ERCC5: variants seen among roughly 807,000 people sequenced by gnomAD.
ERCC5 encodes ERCC excision repair 5, endonuclease.
In ERCC5, 68 loss-of-function variants were observed where a neutral mutation model predicts 105.6. The ratio of observed to expected loss-of-function variants is 0.64; its 90% CI spans 0.53 to 0.79. The LOEUF is 0.79. ERCC5 is among the 30% of genes least tolerant of loss of function. ERCC5 has a pLI of 0.00. For missense variants in ERCC5, 1,373 were observed against 1,426.7 expected, an observed-to-expected ratio of 0.96 and a Z score of 0.61; for synonymous variants, 546 against 526.2, an observed-to-expected ratio of 1.04 and a Z score of -0.51.
At chr13:102,855,502 C>T (rs892963762) in intron 4 of ERCC5, among the ~76,000 whole-genome samples, 6 of 152,160 alleles carry the variant, frequency 3.9e-5, no homozygotes, top group Admixed American at 3.3e-4. Context: ...CCACCTGCCT[C>T]GGCCTCCCAA....
At position 102,849,591 on chromosome 13, in the gene ERCC5, G is replaced by A. The variant is rs138994393; in HGVS notation, c.89-2527G>A. ...TTGATGGACCTACATTTTTTTTTAT[G>A]TTAGTAAAAGTTAGGCAGTGTACAT... is the stretch of plus-strand genomic sequence containing the variant. On this transcript the variant is annotated intron_variant, in intron 1 of 14. Coordinates refer to ENST00000652225, the MANE Select transcript of ERCC5 (RefSeq NM_000123.4). The A allele has an allele frequency of 5.8e-5, 21 of 363,844 alleles. No individual in the cohort carries two copies. In the East Asian group the frequency reaches 1.0e-3, roughly 18 times the overall value. The allele number at this position is 363,844 out of a possible 1,614,324, so 22.5% of individuals were successfully genotyped here.
At chr13:102,875,116 G>A (rs1446835368) in intron 14 of ERCC5, among the ~76,000 whole-genome samples, 191 bp from the exon 15 acceptor site, 1 of 152,178 alleles carries the variant, frequency 6.6e-6, no homozygotes, top group Non-Finnish European at 1.5e-5. Context: ...TACTGCTTTA[G>A]GTATGATTTA....
chr13:102,862,039 C>T lies in ERCC5; in HGVS notation c.890C>T (p.Ala297Val), dbSNP rs1330207825. 3 of 1,614,064 alleles carry T rather than the reference C, an allele frequency of 1.9e-6. No individual in the cohort carries two copies. Among genetic ancestry groups the T allele is most frequent in the Non-Finnish European group, 2.5e-6 (3 of 1,180,042 alleles). ...TTTAATTCTTCTTAAGGTATTCAAG[C>T]TAAGACAGTTGCAGAAGTGGATTCA... ...SHYILIKGIQ[A>V]KTVAEVDSES... Residue 297 changes from alanine (A) to valine (V), a missense_variant, in exon 8 of 15, where the codon GCT becomes GTT. This residue lies in a region of ERCC5 where 1,004 missense variants were observed against 1,059.7 expected (regional missense o/e 0.95). Transcript: ENST00000652225.
intron 8 of ERCC5, 120 bp downstream of exon 8, chr13:102,863,223 A>G (rs111887804): frequency 1.7e-6 from 2 of 1,169,280 alleles, no homozygotes; most frequent in Non-Finnish European, 1.2e-6. Flanking sequence ...AGAGACGTAG[A>G]AAGAAAGATG....
At position 102,854,359 on chromosome 13, in the gene ERCC5, A is replaced by G. The variant is rs1386097982; in HGVS notation, c.452A>G (p.Glu151Gly). ...CTCTATGTTTTGCCTCCTTTACAAGAGGAAGAAAAACACAGGTAAATGTTT... is the reference window on the plus strand; with the variant it reads ...CTCTATGTTTTGCCTCCTTTACAAGGGGAAGAAAAACACAGGTAAATGTTT... Reference protein sequence around the residue: ...NDLYVLPPLQEEEKHSSEEED... With the variant: ...NDLYVLPPLQGEEKHSSEEED... The change falls in exon 4 of 15, where the codon GAG becomes GGG. Residue 151 changes from glutamate (E) to glycine (G), a missense_variant. This residue lies in a region of ERCC5 where 1,004 missense variants were observed against 1,059.7 expected (regional missense o/e 0.95). Coordinates refer to ENST00000652225, the MANE Select transcript of ERCC5 (RefSeq NM_000123.4). The G allele has an allele frequency of 6.2e-6, 10 of 1,614,038 alleles. No homozygotes were observed. Among genetic ancestry groups the G allele is most frequent in the African/African-American group, 1.3e-5 (1 of 74,932 alleles).
intron 11 of ERCC5, among the ~76,000 whole-genome samples, chr13:102,867,081 A>C (rs1282002852): frequency 7.9e-6 from 1 of 126,616 alleles, no homozygotes; most frequent in Non-Finnish European, 1.7e-5. Context: ...TTAAACTTTG[A>C]CTAGTTACCC....
intron 5 of ERCC5, among the ~76,000 whole-genome samples, chr13:102,856,840 A>C (rs1882441151): frequency 6.6e-6 from 1 of 152,242 alleles, no homozygotes; most frequent in Non-Finnish European, 1.5e-5. Context: ...TTTTCCCAGC[A>C]TGATGACTGT....
At position 102,868,112 on chromosome 13, in the gene ERCC5, G is replaced by C; in HGVS notation, c.2534-1G>C. On this transcript the variant is annotated splice_acceptor_variant, in intron 11 of 14. Coordinates refer to ENST00000652225, the MANE Select transcript of ERCC5 (RefSeq NM_000123.4). LOFTEE classifies it high-confidence loss of function. ...AATTAAAAAATATTGTTACTCTTTA[G>C]GATTGGACCGGAATAAGTTAATAAA... is the stretch of plus-strand genomic sequence containing the variant. 6.2e-7 allele frequency: 1 copy of C among 1,613,550 alleles called. No individual in the cohort carries two copies. Among genetic ancestry groups the C allele is most frequent in the Non-Finnish European group, 8.5e-7 (1 of 1,179,780 alleles).
intron 14 of ERCC5, among the ~76,000 whole-genome samples, chr13:102,874,313 C>A (rs1471605047): frequency 4.6e-5 from 7 of 152,154 alleles, no homozygotes; most frequent in Admixed American, 3.3e-4. Flanking sequence ...TTATTTGTGG[C>A]CATACTAAAT....
chr13:102,854,373 A>G lies in ERCC5; in HGVS notation c.466A>G (p.Ser156Gly), dbSNP rs746689107. The change falls in exon 4 of 15, where the codon AGT (serine) becomes GGT (glycine). Residue 156 changes from serine to glycine, a missense_variant and splice_region_variant. Physicochemically the swap from Ser to Gly is moderately conservative, Grantham distance 56. This residue lies in a region of ERCC5 where 1,004 missense variants were observed against 1,059.7 expected (regional missense o/e 0.95). Transcript: ENST00000652225. ...LPPLQEEEKH[S>G]SEEEDEKEWQ... ...TCCTTTACAAGAGGAAGAAAAACAC[A>G]GGTAAATGTTTAACTATTTAAGAAT... is the stretch of plus-strand genomic sequence containing the variant. 12 of 1,613,960 alleles carry G rather than the reference A, an allele frequency of 7.4e-6. No individual in the cohort carries two copies. Among genetic ancestry groups the G allele is most frequent in the Non-Finnish European group, 9.3e-6 (11 of 1,179,820 alleles).
chr13:102,874,545 G>T (rs879844033), intron 14 of ERCC5, among the ~76,000 whole-genome samples: 1 of 151,494 alleles, frequency 6.6e-6, no homozygotes, highest in Non-Finnish European at 1.5e-5. Context: ...TTTTTGAGAC[G>T]GAGTCTCACT....
chr13:102,856,061 G>A lies in ERCC5; in HGVS notation c.477G>A (p.Glu159=). The A allele has an allele frequency of 3.7e-6, 6 of 1,613,878 alleles. No individual in the cohort carries two copies. The highest frequency in any genetic ancestry group is 5.1e-6 in the Non-Finnish European group (6 of 1,179,914). ...TATGTTTGACTTTCAGTTCAGAAGA[G>A]GAAGATGAAAAAGAATGGCAAGAAA... ...LQEEEKHSSE[E]EDEKEWQERM... Residue 159 remains glutamate (E), a synonymous_variant, in exon 5 of 15, where the codon GAG becomes GAA. Transcript: ENST00000652225.
intron 4 of ERCC5, 77 bp from the exon 5 acceptor site, chr13:102,855,975 C>A: frequency 2.1e-6 from 3 of 1,427,264 alleles, no homozygotes; most frequent in South Asian, 2.3e-5. Flanking sequence ...GTATAACGAG[C>A]AGAGCCTTGC....
chr13:102,873,622 A>G (rs1320846697), intron 14 of ERCC5, among the ~76,000 whole-genome samples: 4 of 152,316 alleles, frequency 2.6e-5, no homozygotes, highest in South Asian at 2.1e-4. Flanking sequence ...GGTGTTTCTG[A>G]TTAAATACAT....
chr13:102,863,114 G>A lies in ERCC5; in HGVS notation c.1954+11G>A, dbSNP rs772127232. 1.2e-6 allele frequency: 2 copies of A among 1,611,782 alleles called. No individual in the cohort carries two copies. Among genetic ancestry groups the A allele is most frequent in the South Asian group, 2.2e-5 (2 of 91,018 alleles). ...AAAGTGAATCTGATGGTACGTGTCT[G>A]TGCTTTTGTAGAAATCTGGAACGGT... On this transcript the variant is annotated intron_variant, in intron 8 of 14. Coordinates refer to ENST00000652225, the MANE Select transcript of ERCC5 (RefSeq NM_000123.4).
At chr13:102,868,008 G>C in intron 11 of ERCC5, 105 bp from the exon 12 acceptor site, 1 of 1,037,660 alleles carries the variant, frequency 9.6e-7, no homozygotes, top group Non-Finnish European at 1.4e-6. Context: ...TTGGTGGTTG[G>C]ATATAGATAT....
Position 102,862,764 on chromosome 13 carries a change from C to T in ERCC5, c.1615C>T (p.His539Tyr), listed in dbSNP as rs766302763. The change falls in exon 8 of 15, where the codon CAT (histidine) becomes TAT (tyrosine). Residue 539 changes from histidine (H) to tyrosine (Y), a missense_variant. Physicochemically the swap from His to Tyr is moderately conservative, Grantham distance 83. Transcript: ENST00000652225. ...AAATTCTGTGTCAAAGAATGAAACACATGCTGAAGTGCTTGAGCAGCAGAA... is the reference window on the plus strand; with the variant it reads ...AAATTCTGTGTCAAAGAATGAAACATATGCTGAAGTGCTTGAGCAGCAGAA... ...CTNSVSKNET[H>Y]AEVLEQQNEL... 6 of 1,614,108 alleles carry T rather than the reference C, an allele frequency of 3.7e-6. No individual in the cohort carries two copies. Among genetic ancestry groups the T allele is most frequent in the African/African-American group, 2.7e-5 (2 of 74,938 alleles).
Position 102,875,475 on chromosome 13 carries a change from T to A in ERCC5, c.3133T>A (p.Phe1045Ile). The A allele has an allele frequency of 6.2e-7, 1 of 1,614,106 alleles. No homozygotes were observed. Among genetic ancestry groups the A allele is most frequent in the East Asian group, 2.2e-5 (1 of 44,888 alleles). ...EAVSVAMEKE[F>I]ELLDKAKGKT... ...AGTTTCTGTTGCCATGGAGAAAGAATTTGAGCTACTTGATAAGGCAAAAGG... is the reference window on the plus strand; with the variant it reads ...AGTTTCTGTTGCCATGGAGAAAGAAATTGAGCTACTTGATAAGGCAAAAGG... Residue 1045 changes from phenylalanine (F) to isoleucine (I), a missense_variant, in exon 15 of 15, where the codon TTT (phenylalanine) becomes ATT (isoleucine). This residue lies in a region of ERCC5 where 367 missense variants were observed against 350.2 expected (regional missense o/e 1.05). Transcript: ENST00000652225.
intron 4 of ERCC5, 46 bp from the exon 5 acceptor site, chr13:102,856,006 G>A (rs759787285): frequency 1.3e-6 from 2 of 1,579,132 alleles, no homozygotes; most frequent in Non-Finnish European, 1.7e-6. Context: ...TTTTGTAAGG[G>A]GTCCTTAAAA....
Sources: allele counts gnomAD v4.1 joint callset (sites outside exome capture counted in the v4.1 genomes callset), GRCh38; gene constraint gnomAD v4.1.1; regional missense constraint gnomAD v4.1.1; transcripts MANE v1.5; gene names NCBI Gene and HGNC (gene_info 2026-07-23, HGNC 2026-07-21).